The following LNP1 variants were observed in gnomAD, a reference collection of about 807,000 sequenced individuals.
The protein encoded by LNP1 is leukemia NUP98 fusion partner 1.
Under a neutral mutation model 14.5 loss-of-function variants are expected in LNP1, and 12 were observed. The ratio of observed to expected loss-of-function variants is 0.83; its 90% confidence interval spans 0.53 to 1.34. The LOEUF (loss-of-function observed/expected upper bound fraction) is 1.34. LNP1 is among the 40% of genes most tolerant of loss of function. The pLI, the probability that LNP1 is intolerant of heterozygous loss-of-function variation, is 0.00. For synonymous variants in LNP1, 75 were observed against 71.4 expected (o/e 1.05, Z -0.26); for missense variants, 198 against 210.9 (o/e 0.94, Z 0.38).
intron 2 of LNP1, among the ~76,000 whole-genome samples, chr3:100,437,287 T>G (rs570707560): frequency 3.4e-4 from 52 of 152,282 alleles, no homozygotes; most frequent in Non-Finnish European, 5.9e-4. Flanking sequence ...GTCCTTGAAT[T>G]TTGCTTTAGG....
intron 1 of LNP1, among the ~76,000 whole-genome samples, chr3:100,408,258 GATTCTAGGC>G (rs1706990161): frequency 6.6e-6 from 1 of 152,236 alleles, no homozygotes; most frequent in Admixed American, 6.5e-5. Flanking sequence ...CCTGTCCAGA[GATTCTAGGC>G]AGGTCATTTG....
intron 3 of LNP1, among the ~76,000 whole-genome samples, chr3:100,453,707 T>A (rs1238978430): frequency 6.6e-6 from 1 of 152,118 alleles, no homozygotes; most frequent in East Asian, 1.9e-4. Context: ...ACCCTTCACC[T>A]AGATTACCTC....
chr3:100,455,967 G>T lies in LNP1; in HGVS notation c.*41G>T. On this transcript the variant is annotated 3_prime_UTR_variant, in exon 4 of 4. Transcript: ENST00000383693. ...TCATGACATCAGATGCTACTGTTTT[G>T]GTTTTTTTCTTTGAGCCCCAATTCA... 1 of 1,567,228 alleles carries T rather than the reference G, an allele frequency of 6.4e-7. No individual in the cohort carries two copies. Among genetic ancestry groups the T allele is most frequent in the South Asian group, 1.2e-5 (1 of 83,332 alleles).
intron 1 of LNP1, among the ~76,000 whole-genome samples, chr3:100,420,370 G>T (rs138245284): frequency 2.0e-5 from 3 of 152,088 alleles, no homozygotes; most frequent in Non-Finnish European, 2.9e-5. Flanking sequence ...GGAATAAAGT[G>T]GCATGATCAC....
intron 2 of LNP1, among the ~76,000 whole-genome samples, chr3:100,441,895 T>G (rs182731965): frequency 6.6e-5 from 10 of 152,040 alleles, no homozygotes; most frequent in African/African-American, 2.4e-4. Context: ...AAACTCCTGA[T>G]GTCAGGTGAT....
chr3:100,429,070 G>A (rs1291784149), intron 1 of LNP1, among the ~76,000 whole-genome samples: 1 of 152,108 alleles, frequency 6.6e-6, no homozygotes, highest in Non-Finnish European at 1.5e-5. Flanking sequence ...TCATCAAGCT[G>A]TGCACTTATG....
At chr3:100,421,055 T>C (rs570040388) in intron 1 of LNP1, among the ~76,000 whole-genome samples, 2 of 152,120 alleles carry the variant, frequency 1.3e-5, no homozygotes, top group East Asian at 3.9e-4. Flanking sequence ...CACGGCTCAC[T>C]GGAGCCTCAA....
At chr3:100,406,505 G>A (rs1706967810) in intron 1 of LNP1, among the ~76,000 whole-genome samples, 1 of 152,028 alleles carries the variant, frequency 6.6e-6, no homozygotes, top group Admixed American at 6.6e-5. Context: ...TGTGTCTGTG[G>A]TGGTGTTTTT....
At chr3:100,446,563 C>G (rs1038097723) in intron 2 of LNP1, among the ~76,000 whole-genome samples, 8 of 152,088 alleles carry the variant, frequency 5.3e-5, no homozygotes, top group Admixed American at 5.2e-4. Context: ...AACTAAAACA[C>G]CAAAAGCAAT....
At chr3:100,430,590 C>T (rs1384924014) in intron 2 of LNP1, among the ~76,000 whole-genome samples, 7 of 152,210 alleles carry the variant, frequency 4.6e-5, no homozygotes, top group African/African-American at 1.7e-4. Context: ...CATGTGTGTC[C>T]TGTGCTTCAC....
At chr3:100,410,524 T>C (rs73150352) in intron 1 of LNP1, among the ~76,000 whole-genome samples, 27,706 of 152,114 alleles carry the variant, frequency 0.18, 3,182 homozygotes, top group South Asian at 0.3. Flanking sequence ...AAGGTACCCC[T>C]TGGGTCCTCC....
At chr3:100,422,405 G>A (rs1046017317) in intron 1 of LNP1, among the ~76,000 whole-genome samples, 1 of 151,980 alleles carries the variant, frequency 6.6e-6, no homozygotes, top group Admixed American at 6.6e-5. Context: ...GGATGGTCTT[G>A]ATCTCCTGAC....
At chr3:100,449,934 C>A (rs1215306378) in intron 2 of LNP1, among the ~76,000 whole-genome samples, 1 of 152,200 alleles carries the variant, frequency 6.6e-6, no homozygotes, top group Non-Finnish European at 1.5e-5. Flanking sequence ...AGCTATCAAA[C>A]TGCAATGCGG....
At chr3:100,412,710 T>C (rs1311985569) in intron 1 of LNP1, among the ~76,000 whole-genome samples, 1 of 152,190 alleles carries the variant, frequency 6.6e-6, no homozygotes, top group Non-Finnish European at 1.5e-5. Context: ...GTTTTCTCTT[T>C]TGTATTAGAC....
At chr3:100,418,361 C>T (rs1311239040) in intron 1 of LNP1, among the ~76,000 whole-genome samples, 3 of 151,918 alleles carry the variant, frequency 2.0e-5, no homozygotes, top group Non-Finnish European at 4.4e-5. Flanking sequence ...CTCCGCTTCA[C>T]ATCACTTTGT....
intron 2 of LNP1, among the ~76,000 whole-genome samples, chr3:100,439,327 C>G (rs1039359332): frequency 6.6e-6 from 1 of 151,842 alleles, no homozygotes; most frequent in Non-Finnish European, 1.5e-5. Flanking sequence ...CAGAGAAAAA[C>G]TTTGGTAAGA....
intron 2 of LNP1, among the ~76,000 whole-genome samples, chr3:100,450,482 C>G (rs889230938): frequency 6.6e-6 from 1 of 152,036 alleles, no homozygotes; most frequent in Non-Finnish European, 1.5e-5. Context: ...TACAGGCACA[C>G]ACCACCATGC....
At chr3:100,420,465 C>T (rs142762876) in intron 1 of LNP1, among the ~76,000 whole-genome samples, 2,113 of 152,212 alleles carry the variant, frequency 0.014, 29 homozygotes, top group Non-Finnish European at 0.019. Context: ...GTGCATGCCA[C>T]CATGCCTGGC....
intron 1 of LNP1, among the ~76,000 whole-genome samples, chr3:100,408,684 G>T (rs148186390): frequency 1.3e-5 from 2 of 152,184 alleles, no homozygotes; most frequent in African/African-American, 4.8e-5. Flanking sequence ...CATGGGTCAT[G>T]GGGGGGTCTA....
Sources: gnomAD v4.1 joint callset for allele counts (sites outside exome capture counted in the v4.1 genomes callset) on GRCh38, gnomAD v4.1.1 for gene constraint, MANE v1.5 for transcripts, NCBI Gene and HGNC (gene_info 2026-07-23, HGNC 2026-07-21) for gene names.